The following GULP1 variants were observed in gnomAD, a reference collection of about 807,000 sequenced individuals.
GULP1 encodes the protein GULP PTB domain containing engulfment adaptor 1, also known as PTB domain-containing engulfment adapter protein 1.
A neutral mutation model predicts 40.9 loss-of-function variants in GULP1; 19 were observed. The ratio of observed to expected loss-of-function variants is 0.46; its 90% CI spans 0.32 to 0.68. The LOEUF is 0.68. Among genes scored for constraint, GULP1 ranks in the 30% least tolerant of loss-of-function variants. The probability of loss-of-function intolerance (pLI) is 0.03; values close to 1 mark genes in which losing one functional copy is unlikely to be tolerated. For missense variants in GULP1, 312 were observed against 362.2 expected, an observed-to-expected ratio of 0.86 and a Z score of 1.12; for synonymous variants, 119 against 117.6, an observed-to-expected ratio of 1.01 and a Z score of -0.08.
chr2:188,400,923 TTGTGTGTGTGTGTGTGTG>T (rs61060931), intron 2 of GULP1, among the ~76,000 whole-genome samples: 2 of 139,534 alleles, frequency 1.4e-5, no homozygotes, highest in African/African-American at 2.7e-5. Context: ...AGTGGTGTGT[TTGTGTGTGTGTGTGTGTG>T]TGTGTGTGTG....
intron 1 of GULP1, among the ~76,000 whole-genome samples, chr2:188,299,485 T>G (rs1156458225): frequency 1.3e-5 from 2 of 152,218 alleles, no homozygotes. Context: ...TGATTTTCCA[T>G]TCACTTAATA....
At chr2:188,345,149 G>C (rs568615061) in intron 1 of GULP1, among the ~76,000 whole-genome samples, 2 of 152,090 alleles carry the variant, frequency 1.3e-5, no homozygotes, top group East Asian at 3.9e-4. Flanking sequence ...TTGTTTTCAT[G>C]ACCAGTTTGT....
rs944642583 is a variant in GULP1 at position 188,595,269 on chromosome 2, A to G, written c.*1258A>G. The G allele has an allele frequency of 1.1e-4, 16 of 151,880 alleles. No homozygotes were observed. The highest frequency in any genetic ancestry group is 3.3e-4 in the Admixed American group (5 of 15,216). 9.4% of individuals were successfully genotyped at this position (151,880 alleles called of 1,614,324 possible). A position where few individuals can be genotyped will look rare whatever the true frequency, so the allele number is the denominator to read the frequency against. On this transcript the variant is annotated 3_prime_UTR_variant, in exon 12 of 12. Transcript: ENST00000409830. ...TTTCTAACTTGGTTCATCACATTAT[A>G]AGATAAATAAATTAAATTAATGAAA...
chr2:188,467,495 G>C (rs1395974692), intron 2 of GULP1, among the ~76,000 whole-genome samples: 1 of 151,456 alleles, frequency 6.6e-6, no homozygotes, highest in Non-Finnish European at 1.5e-5. Context: ...AATATATCTT[G>C]GTATTTATTT....
At chr2:188,541,588 T>A in intron 7 of GULP1, 1 of 557,594 alleles carries the variant, frequency 1.8e-6, no homozygotes, top group Non-Finnish European at 3.1e-6. Flanking sequence ...ATGTTATGCA[T>A]GTATTTTATA....
intron 11 of GULP1, chr2:188,589,729 A>C (rs765077480): frequency 6.5e-6 from 9 of 1,385,956 alleles, no homozygotes; most frequent in Middle Eastern, 1.9e-4. Context: ...TACTGCTTTC[A>C]TGGTGGGTAG....
intron 1 of GULP1, among the ~76,000 whole-genome samples, chr2:188,324,080 A>G (rs946358848): frequency 6.6e-6 from 1 of 152,090 alleles, no homozygotes; most frequent in Non-Finnish European, 1.5e-5. Context: ...ATTTAGTGCT[A>G]GATATATTTG....
At chr2:188,454,839 T>C (rs1431172730) in intron 2 of GULP1, among the ~76,000 whole-genome samples, 1 of 152,138 alleles carries the variant, frequency 6.6e-6, no homozygotes, top group Non-Finnish European at 1.5e-5. Context: ...TAAGAAAACC[T>C]TCGGCTGGGC....
chr2:188,481,284 A>G (rs1302971037), intron 3 of GULP1, among the ~76,000 whole-genome samples: 1 of 151,984 alleles, frequency 6.6e-6, no homozygotes, highest in Admixed American at 6.6e-5. Context: ...CAGCATGTGT[A>G]TTTCCTACTC....
At chr2:188,450,481 T>C (rs984072405) in intron 2 of GULP1, among the ~76,000 whole-genome samples, 1 of 152,120 alleles carries the variant, frequency 6.6e-6, no homozygotes, top group Admixed American at 6.6e-5. Context: ...GTGTGCACAT[T>C]TTTAAGTGAC....
intron 1 of GULP1, among the ~76,000 whole-genome samples, chr2:188,350,263 C>T (rs1361530771): frequency 2.0e-5 from 3 of 152,018 alleles, no homozygotes; most frequent in Non-Finnish European, 4.4e-5. Context: ...ATAAGGATTG[C>T]ATTAGATCTG....
intron 9 of GULP1, among the ~76,000 whole-genome samples, chr2:188,580,372 T>C (rs1035882569): frequency 6.6e-6 from 1 of 151,554 alleles, no homozygotes; most frequent in Admixed American, 6.6e-5. Context: ...GCTAAAACGG[T>C]GAAACCCCGT....
At chr2:188,427,003 G>A (rs1056669012) in intron 2 of GULP1, among the ~76,000 whole-genome samples, 5 of 152,168 alleles carry the variant, frequency 3.3e-5, no homozygotes, top group African/African-American at 1.2e-4. Flanking sequence ...CTGGAGCAAA[G>A]GTCACTTTTG....
chr2:188,414,616 C>T (rs2152733825), intron 2 of GULP1, among the ~76,000 whole-genome samples: 1 of 152,278 alleles, frequency 6.6e-6, no homozygotes, highest in East Asian at 1.9e-4. Context: ...GAAAGGCTAA[C>T]GTGTCAGTAG....
At chr2:188,293,445 A>G (rs2034232413) in intron 1 of GULP1, among the ~76,000 whole-genome samples, 1 of 152,218 alleles carries the variant, frequency 6.6e-6, no homozygotes, top group African/African-American at 2.4e-5. Context: ...GCAGGAGACA[A>G]TACTGATGAT....
At chr2:188,484,601 A>G (rs1415283486) in intron 4 of GULP1, among the ~76,000 whole-genome samples, 3 of 151,562 alleles carry the variant, frequency 2.0e-5, no homozygotes, top group Non-Finnish European at 4.4e-5. Context: ...ATACACTGGG[A>G]TACAGTGAGA....
intron 4 of GULP1, among the ~76,000 whole-genome samples, chr2:188,504,642 TA>T: frequency 6.6e-6 from 1 of 151,846 alleles, no homozygotes; most frequent in East Asian, 1.9e-4. Context: ...ATAGCTATTG[TA>T]AAAATAAAAC....
intron 6 of GULP1, among the ~76,000 whole-genome samples, chr2:188,540,290 A>G (rs1006557856): frequency 9.2e-5 from 14 of 152,210 alleles, no homozygotes; most frequent in Middle Eastern, 6.8e-3. Flanking sequence ...AATAATTAAC[A>G]CGGATGATCT....
intron 2 of GULP1, among the ~76,000 whole-genome samples, chr2:188,416,690 G>A (rs1223368045): frequency 6.6e-6 from 1 of 152,144 alleles, no homozygotes; most frequent in Non-Finnish European, 1.5e-5. Context: ...CCTCCATCCT[G>A]AGAAAGGAGA....
Sources: allele counts gnomAD v4.1 joint callset (sites outside exome capture counted in the v4.1 genomes callset), GRCh38; gene constraint gnomAD v4.1.1; transcripts MANE v1.5; gene names NCBI Gene and HGNC (gene_info 2026-07-23, HGNC 2026-07-21).